AOX1: variants seen among roughly 807,000 people sequenced by gnomAD.
The protein encoded by AOX1 is aldehyde oxidase.
In AOX1, 153 loss-of-function variants were observed where a neutral mutation model predicts 169.5. The ratio of observed to expected loss-of-function variants is 0.90; its 90% CI spans 0.79 to 1.03. The LOEUF is 1.03. Among genes scored for constraint, AOX1 ranks in the 50% least tolerant of loss-of-function variants. AOX1 has a pLI of 0.00. For synonymous variants in AOX1, 562 were observed against 581.9 expected (o/e 0.97, Z 0.49); for missense variants, 1,656 against 1,663.9 (o/e 1.00, Z 0.08).
At chr2:200,678,548 C>T (rs1158211619), downstream of AOX1, 1 of 152,106 alleles carries the variant, frequency 6.6e-6, no homozygotes, top group East Asian at 1.9e-4. Context: ...GATCAACCAA[C>T]CTATTTTAAA....
intron 27 of AOX1, among the ~76,000 whole-genome samples, chr2:200,657,190 A>ATATATATATATATATATATTTTT: frequency 2.9e-4 from 18 of 62,908 alleles, no homozygotes; most frequent in Non-Finnish European, 3.6e-4. Flanking sequence ...ATATATATAT[A>ATATATATATATATATATATTTTT]TTTTTTTTTT....
intron 29 of AOX1, 88 bp downstream of exon 29, chr2:200,660,157 A>G (rs1280180637): frequency 8.9e-7 from 1 of 1,117,880 alleles, no homozygotes; most frequent in Non-Finnish European, 1.3e-6. Context: ...TGAAATCTGT[A>G]GAAAGGGCAT....
At chr2:200,666,885 A>C in intron 32 of AOX1, 133 bp downstream of exon 32, 1 of 526,864 alleles carries the variant, frequency 1.9e-6, no homozygotes, top group South Asian at 3.7e-5. Flanking sequence ...ATTCAGACCA[A>C]CTGCAGAGCT....
In AOX1 at chr2:200,633,849, C is replaced by T. The variant is rs188818853; in HGVS notation, c.2222-942C>T. 1.8e-4 allele frequency among the ~76,000 whole-genome samples: 28 copies of T among 152,252 alleles called. No homozygotes were observed. In the East Asian group the frequency reaches 5.4e-3, roughly 29 times the overall value. ...TCTATTTTATTAGAATATTCTGTTT[C>T]ACTAGAGTACTTTAACCTTTTACTG... On this transcript the variant is annotated intron_variant, in intron 20 of 34. Transcript: ENST00000374700.
chr2:200,630,537 T>TGGAA (rs2035096918), intron 20 of AOX1, among the ~76,000 whole-genome samples: 1 of 78,336 alleles, frequency 1.3e-5, no homozygotes, highest in South Asian at 3.9e-4. Flanking sequence ...GATGGATGGA[T>TGGAA]GGAAGGAAGG....
intron 27 of AOX1, among the ~76,000 whole-genome samples, chr2:200,658,667 G>A (rs181691756): frequency 6.6e-6 from 1 of 152,338 alleles, no homozygotes; most frequent in African/African-American, 2.4e-5. Context: ...TTGGCACATG[G>A]CACTGGCGCC....
chr2:200,667,649 A>T (rs112517799), intron 32 of AOX1, among the ~76,000 whole-genome samples: 1 of 151,680 alleles, frequency 6.6e-6, no homozygotes, highest in African/African-American at 2.4e-5. Flanking sequence ...ATGCCTGTTC[A>T]TGGCTGCTAA....
chr2:200,649,417 T>G (rs971091262), intron 25 of AOX1, among the ~76,000 whole-genome samples: 17 of 152,204 alleles, frequency 1.1e-4, no homozygotes, highest in African/African-American at 4.1e-4. Flanking sequence ...AGGATCTCCC[T>G]TCCCCCTCAC....
downstream of AOX1, among the ~76,000 whole-genome samples, chr2:200,673,876 C>T (rs2036060760): frequency 6.6e-6 from 1 of 152,184 alleles, no homozygotes; most frequent in South Asian, 2.1e-4. Context: ...TGCCTGTGTC[C>T]TCTGTCTGGA....
At chr2:200,596,305 C>CTTTGGGAGAGAT (rs1559230515) in intron 3 of AOX1, among the ~76,000 whole-genome samples, 1 of 152,174 alleles carries the variant, frequency 6.6e-6, no homozygotes, top group East Asian at 1.9e-4. Context: ...ACCTCTCTCA[C>CTTTGGGAGAGAT]CTTCCATGCT....
At chr2:200,610,088 T>TC (rs2034603339) in intron 12 of AOX1, among the ~76,000 whole-genome samples, 1 of 151,902 alleles carries the variant, frequency 6.6e-6, no homozygotes, top group East Asian at 1.9e-4. Context: ...TTTTTTTTTT[T>TC]TGAAATGGAG....
intron 16 of AOX1, 88 bp from the exon 17 acceptor site, chr2:200,620,562 G>T (rs1393740656): frequency 8.2e-7 from 1 of 1,223,422 alleles, no homozygotes. Context: ...AAATTATATA[G>T]CTACCTTCTT....
chr2:200,599,108 C>A lies in AOX1; in HGVS notation c.310-512C>A, dbSNP rs1024023282. ...CGACTTGAACCTTAGAAGTTAGACT[C>A]CAAAGCAAAAATGCTAGGGGGAGGG... On this transcript the variant is annotated intron_variant, in intron 4 of 34. Coordinates refer to ENST00000374700, the MANE Select transcript of AOX1 (RefSeq NM_001159.4). Among the ~76,000 whole-genome samples, 7 of 152,072 alleles carry A rather than the reference C, an allele frequency of 4.6e-5. No homozygotes were observed. The East Asian group carries it at 1.4e-3, about 29-fold the overall frequency.
At position 200,588,726 on chromosome 2, in the gene AOX1, C is replaced by CTTTTTTTTTTTTTTTTTTTTTTTTTTTT. The variant is rs71807461; in HGVS notation, c.45+2594_45+2595insTTTTTTTTTTTTTTTTTTTTTTTTTTTT. Among the ~76,000 whole-genome samples, 153 of 53,990 alleles carry CTTTTTTTTTTTTTTTTTTTTTTTTTTTT rather than the reference C, an allele frequency of 2.8e-3. 44 individuals carry two copies. Among genetic ancestry groups the CTTTTTTTTTTTTTTTTTTTTTTTTTTTT allele is most frequent in the Non-Finnish European group, 3.7e-3 (95 of 25,664 alleles). 35.4% of individuals were successfully genotyped at this position (53,990 alleles called of 152,430 possible). Reference sequence around the variant, plus strand: ...CTTACATGGAAAGAACTAGAATAAGCTTTTTTTTTTTTTTTTTTTTTGAGA... The same window carrying CTTTTTTTTTTTTTTTTTTTTTTTTTTTT: ...CTTACATGGAAAGAACTAGAATAAGCTTTTTTTTTTTTTTTTTTTTTTTTTTTTTTTTTTTTTTTTTTTTTTTTTGAGA... On this transcript the variant is annotated intron_variant, in intron 1 of 34. Transcript: ENST00000374700.
chr2:200,680,925 G>A (rs142917259), downstream of AOX1, among the ~76,000 whole-genome samples: 2 of 152,106 alleles, frequency 1.3e-5, no homozygotes, highest in Non-Finnish European at 2.9e-5. Flanking sequence ...TGAAGAAAAC[G>A]CCAGTTACCC....
chr2:200,659,562 T>C (rs1436932159), intron 28 of AOX1, among the ~76,000 whole-genome samples: 1 of 152,188 alleles, frequency 6.6e-6, no homozygotes, highest in Admixed American at 6.5e-5. Context: ...TATGTTAGTA[T>C]CACTTTAAGA....
intron 32 of AOX1, among the ~76,000 whole-genome samples, chr2:200,667,478 G>C (rs898317950): frequency 1.4e-4 from 17 of 122,562 alleles, no homozygotes; most frequent in African/African-American, 5.5e-4. Flanking sequence ...TCATGACATT[G>C]CATTATTGGC....
chr2:200,659,998 G>T lies in AOX1; in HGVS notation c.3304G>T (p.Ala1102Ser). 6.2e-7 allele frequency: 1 copy of T among 1,611,434 alleles called. No individual in the cohort carries two copies. The highest frequency in any genetic ancestry group is 8.5e-7 in the Non-Finnish European group (1 of 1,178,312). Reference protein sequence around the residue: ...ADLNGLAVKDACQTLLKRLEP... With the variant: ...ADLNGLAVKDSCQTLLKRLEP... Reference sequence around the variant, plus strand: ...TTAATTTAAAAATAATCTCTAGGATGCCTGTCAAACTCTTCTAAAACGCCT... The same window carrying T: ...TTAATTTAAAAATAATCTCTAGGATTCCTGTCAAACTCTTCTAAAACGCCT... Residue 1102 changes from alanine (A) to serine (S), a missense_variant, in exon 29 of 35, where the codon GCC (alanine) becomes TCC (serine). Transcript: ENST00000374700.
chr2:200,681,897 C>A (rs2036154896), downstream of AOX1, among the ~76,000 whole-genome samples: 1 of 151,244 alleles, frequency 6.6e-6, no homozygotes, highest in Non-Finnish European at 1.5e-5. Flanking sequence ...GTATTTAGAG[C>A]TAGCCAAAAG....
Sources: allele counts gnomAD v4.1 joint callset (sites outside exome capture counted in the v4.1 genomes callset), GRCh38; gene constraint gnomAD v4.1.1; transcripts MANE v1.5; gene names NCBI Gene and HGNC (gene_info 2026-07-23, HGNC 2026-07-21).